Variants in PLEKHA1 observed in about 807,000 individuals in gnomAD.
The protein encoded by PLEKHA1 is pleckstrin homology domain containing A1.
PLEKHA1 carries 34 observed loss-of-function variants against 52.0 expected under a neutral mutation model. The observed-to-expected ratio is 0.65, with a 90% CI of 0.50 to 0.87. The LOEUF is 0.87. Among genes scored for constraint, PLEKHA1 ranks in the 40% least tolerant of loss-of-function variants. The pLI is 0.00. For missense variants in PLEKHA1, 497 were observed against 504.2 expected (o/e 0.99, Z 0.14); for synonymous variants, 163 against 170.7 (o/e 0.95, Z 0.35).
chr10:122,427,790 G>T (rs187904813), intron 11 of PLEKHA1, among the ~76,000 whole-genome samples: 1 of 152,234 alleles, frequency 6.6e-6, no homozygotes, highest in East Asian at 1.9e-4. Context: ...ATGTAACACT[G>T]CCATCTGCGG....
intron 10 of PLEKHA1, chr10:122,425,352 G>A (rs1371621559): frequency 6.4e-6 from 1 of 155,404 alleles, no homozygotes; most frequent in Non-Finnish European, 1.4e-5. Context: ...TTCACTAATA[G>A]TAGGCATCCT....
chr10:122,412,832 A>G, intron 5 of PLEKHA1, 88 bp from the exon 6 acceptor site: 1 of 1,445,894 alleles, frequency 6.9e-7, no homozygotes, highest in South Asian at 1.2e-5. Flanking sequence ...CCGTATGCAA[A>G]CGGATGAATA....
intron 1 of PLEKHA1, among the ~76,000 whole-genome samples, chr10:122,376,850 G>C (rs1336056696): frequency 6.6e-6 from 1 of 152,128 alleles, no homozygotes; most frequent in Non-Finnish European, 1.5e-5. Flanking sequence ...TTCTTTAAAA[G>C]TCATTCAAGT....
intron 3 of PLEKHA1, among the ~76,000 whole-genome samples, chr10:122,398,421 T>G (rs1215915492): frequency 6.6e-6 from 1 of 152,150 alleles, no homozygotes; most frequent in East Asian, 1.9e-4. Context: ...CCCCCTCTTT[T>G]CACTTTGTCT....
rs145230469 is a variant in PLEKHA1 at position 122,397,189 on chromosome 10, C to T, written c.142-729C>T. Among the ~76,000 whole-genome samples, 768 of 152,068 alleles carry T rather than the reference C, an allele frequency of 5.1e-3. 3 individuals are homozygous for T. The highest frequency in any genetic ancestry group is 0.018 in the African/African-American group (736 of 41,486). On this transcript the variant is annotated intron_variant, in intron 2 of 11. Coordinates refer to ENST00000368990, the MANE Select transcript of PLEKHA1 (RefSeq NM_001001974.4). ...CATTTTCTCTGCTTGGAATATTCTC[C>T]CCTGCTTTTTGTGTTTCAAAATTTT...
chr10:122,378,407 G>A (rs1187872292), intron 1 of PLEKHA1, among the ~76,000 whole-genome samples: 1 of 130,070 alleles, frequency 7.7e-6, no homozygotes, highest in Non-Finnish European at 1.6e-5. Flanking sequence ...ATAACATCAT[G>A]GGTAAATGAT....
intron 6 of PLEKHA1, among the ~76,000 whole-genome samples, chr10:122,414,262 G>C (rs578184409): frequency 6.6e-6 from 1 of 152,168 alleles, no homozygotes; most frequent in Admixed American, 6.5e-5. Context: ...GTATTAGTTT[G>C]TATCTGTGGC....
chr10:122,390,755 C>G (rs551216567), intron 1 of PLEKHA1, among the ~76,000 whole-genome samples: 1 of 152,244 alleles, frequency 6.6e-6, no homozygotes, highest in African/African-American at 2.4e-5. Context: ...TGTAAAAACT[C>G]CAATATCTGT....
chr10:122,406,405 GTT>G (rs2097015899), intron 4 of PLEKHA1, among the ~76,000 whole-genome samples, 169 bp from the exon 5 acceptor site: 1 of 152,066 alleles, frequency 6.6e-6, no homozygotes, highest in Admixed American at 6.6e-5. Flanking sequence ...CAAAATAAGA[GTT>G]TTACCTGTGT....
At chr10:122,433,184 A>G (rs148633474), downstream of PLEKHA1, 12 of 152,250 alleles carry the variant, frequency 7.9e-5, no homozygotes, top group African/African-American at 2.9e-4. Context: ...GCTCTCCTGG[A>G]CTACCCTATT....
At chr10:122,437,745 C>A in the PLEKHA1 span, 1 of 152,324 alleles carries the variant, frequency 6.6e-6, no homozygotes, top group African/African-American at 2.4e-5. Flanking sequence ...AGGAGGAGAT[C>A]GGATGTTTCA....
intron 4 of PLEKHA1, among the ~76,000 whole-genome samples, chr10:122,401,913 A>T (rs2096935047): frequency 6.6e-6 from 1 of 152,214 alleles, no homozygotes; most frequent in African/African-American, 2.4e-5. Flanking sequence ...TAGGAATAGC[A>T]TCTTGATATG....
chr10:122,438,287 T>C, the PLEKHA1 span: 1 of 152,084 alleles, frequency 6.6e-6, no homozygotes, highest in Non-Finnish European at 1.5e-5. Flanking sequence ...TAACAAAAGA[T>C]GGTGGCTTAT....
At chr10:122,397,112 C>G (rs1339180126) in intron 2 of PLEKHA1, among the ~76,000 whole-genome samples, 1 of 152,090 alleles carries the variant, frequency 6.6e-6, no homozygotes, top group African/African-American at 2.4e-5. Context: ...TAGCCCCCCT[C>G]TCTCTTTCTA....
At chr10:122,394,570 C>G (rs2096824928) in intron 2 of PLEKHA1, among the ~76,000 whole-genome samples, 2 of 152,098 alleles carry the variant, frequency 1.3e-5, no homozygotes. Context: ...AGGTTCTGTT[C>G]TGTTTCACAG....
downstream of PLEKHA1, chr10:122,435,487 C>T (rs2097434538): frequency 6.6e-6 from 1 of 152,036 alleles, no homozygotes; most frequent in Admixed American, 6.5e-5. Flanking sequence ...TTTATTGCCT[C>T]CATCGTAGAA....
chr10:122,388,072 A>T (rs12571218), intron 1 of PLEKHA1: 1 of 152,154 alleles, frequency 6.6e-6, no homozygotes, highest in Admixed American at 6.5e-5. Flanking sequence ...ACCCAATGAC[A>T]TTTCATACTT....
chr10:122,423,425 C>CAAAAAAAA (rs201686891), intron 8 of PLEKHA1: 1 of 127,882 alleles, frequency 7.8e-6, no homozygotes, highest in Non-Finnish European at 1.7e-5. Context: ...AACTCCATCT[C>CAAAAAAAA]AAAAAAAAAA....
chr10:122,437,478 A>G, the PLEKHA1 span: 3 of 152,346 alleles, frequency 2.0e-5, no homozygotes, highest in East Asian at 5.8e-4. Context: ...AGAAATCATT[A>G]TTGGAAATAA....
Sources: gnomAD v4.1 joint callset for allele counts (sites outside exome capture counted in the v4.1 genomes callset) on GRCh38, gnomAD v4.1.1 for gene constraint, MANE v1.5 for transcripts, NCBI Gene and HGNC (gene_info 2026-07-23, HGNC 2026-07-21) for gene names.